The following ZFPM2 variants were observed in gnomAD, a reference collection of about 807,000 sequenced individuals.
ZFPM2 encodes the protein zinc finger protein ZFPM2.
Under a neutral mutation model 98.6 loss-of-function variants are expected in ZFPM2, and 20 were observed. The ratio of observed to expected loss-of-function variants is 0.20; its 90% confidence interval spans 0.14 to 0.29. ZFPM2 has a LOEUF of 0.29. Among genes scored for constraint, ZFPM2 ranks in the 10% least tolerant of loss-of-function variants. ZFPM2 has a pLI of 1.00. For missense variants in ZFPM2, 1,310 were observed against 1,388.6 expected, an observed-to-expected ratio of 0.94 and a Z score of 0.90; for synonymous variants, 518 against 502.7, an observed-to-expected ratio of 1.03 and a Z score of -0.41.
At chr8:105,333,310 A>G (rs1215367967) in intron 1 of ZFPM2, among the ~76,000 whole-genome samples, 14 of 151,762 alleles carry the variant, frequency 9.2e-5, no homozygotes, top group African/African-American at 3.1e-4. Context: ...TTTAGTATGA[A>G]TATTTTATTG....
chr8:105,720,799 G>A (rs1158354515), intron 5 of ZFPM2, among the ~76,000 whole-genome samples: 1 of 151,882 alleles, frequency 6.6e-6, no homozygotes, highest in Non-Finnish European at 1.5e-5. Context: ...TCACCTGGAT[G>A]AAATAAACCT....
chr8:105,486,850 G>C (rs1813239130), intron 3 of ZFPM2, among the ~76,000 whole-genome samples: 1 of 152,198 alleles, frequency 6.6e-6, no homozygotes, highest in Non-Finnish European at 1.5e-5. Context: ...CTGTAAGCAA[G>C]CCATATGAGA....
chr8:105,725,251 T>G (rs1373781341), intron 5 of ZFPM2, among the ~76,000 whole-genome samples: 1 of 151,868 alleles, frequency 6.6e-6, no homozygotes, highest in Non-Finnish European at 1.5e-5. Context: ...GGCATTTCCT[T>G]ATGGCTTTTA....
At chr8:105,353,030 T>C (rs13273536) in intron 1 of ZFPM2, among the ~76,000 whole-genome samples, 18,313 of 152,226 alleles carry the variant, frequency 0.12, 1,321 homozygotes, top group Non-Finnish European at 0.16. Context: ...GAAAACATAC[T>C]ACCTAGAGAA....
intron 3 of ZFPM2, among the ~76,000 whole-genome samples, chr8:105,489,418 TCTTTTATATATATTTATA>T: frequency 2.1e-5 from 3 of 145,954 alleles, no homozygotes; most frequent in African/African-American, 5.0e-5. Flanking sequence ...TATAGATATA[TCTTTTATATATATTTATA>T]GATATATGTT....
intron 4 of ZFPM2, among the ~76,000 whole-genome samples, chr8:105,609,059 T>TA (rs373653767): frequency 7.3e-5 from 11 of 151,286 alleles, no homozygotes; most frequent in Admixed American, 3.3e-4. Flanking sequence ...CACACACAAT[T>TA]AAAAAAAAGC....
At chr8:105,517,817 G>A (rs1019956424) in intron 3 of ZFPM2, among the ~76,000 whole-genome samples, 2 of 151,732 alleles carry the variant, frequency 1.3e-5, no homozygotes, top group Non-Finnish European at 2.9e-5. Flanking sequence ...TCACATGAGC[G>A]CTGAGGATCA....
intron 5 of ZFPM2, among the ~76,000 whole-genome samples, chr8:105,785,422 T>G (rs1813386599): frequency 9.1e-6 from 1 of 109,730 alleles, no homozygotes; most frequent in Non-Finnish European, 1.7e-5. Context: ...GACTTTGCAG[T>G]TGGACAGACA....
intron 5 of ZFPM2, among the ~76,000 whole-genome samples, chr8:105,656,419 T>C (rs1047930019): frequency 1.3e-5 from 2 of 152,246 alleles, no homozygotes; most frequent in Non-Finnish European, 2.9e-5. Context: ...TAAATGGATA[T>C]TTTTATAATT....
chr8:105,501,240 TG>T (rs2130471901), intron 3 of ZFPM2, among the ~76,000 whole-genome samples: 1 of 151,266 alleles, frequency 6.6e-6, no homozygotes, highest in South Asian at 2.1e-4. Context: ...TGCAGTGCAG[TG>T]GCGCCATCTC....
chr8:105,512,632 A>G (rs1245595499), intron 3 of ZFPM2, among the ~76,000 whole-genome samples: 3 of 152,210 alleles, frequency 2.0e-5, no homozygotes, highest in African/African-American at 7.2e-5. Flanking sequence ...GGGTGAATGT[A>G]TCTCAAAAAG....
intron 3 of ZFPM2, among the ~76,000 whole-genome samples, chr8:105,451,308 T>A (rs1812479771): frequency 6.6e-6 from 1 of 152,166 alleles, no homozygotes; most frequent in Non-Finnish European, 1.5e-5. Flanking sequence ...ATAATTATCT[T>A]ATGGGCCCCC....
At chr8:105,498,958 G>A (rs1204113366) in intron 3 of ZFPM2, among the ~76,000 whole-genome samples, 2 of 152,146 alleles carry the variant, frequency 1.3e-5, no homozygotes, top group Non-Finnish European at 2.9e-5. Context: ...AGGCATTGGG[G>A]CAGGCAGTTA....
chr8:105,331,663 C>G (rs1051694425), intron 1 of ZFPM2, among the ~76,000 whole-genome samples: 2 of 151,674 alleles, frequency 1.3e-5, no homozygotes, highest in African/African-American at 4.8e-5. Flanking sequence ...TTGTGAATAT[C>G]CACACATTTA....
At chr8:105,396,498 GA>G (rs898115496) in intron 1 of ZFPM2, among the ~76,000 whole-genome samples, 35 of 152,234 alleles carry the variant, frequency 2.3e-4, no homozygotes, top group Non-Finnish European at 4.0e-4. Context: ...GTGGCTGTGG[GA>G]ATGAAGAACA....
intron 3 of ZFPM2, among the ~76,000 whole-genome samples, chr8:105,509,817 T>G (rs918791024): frequency 3.9e-5 from 6 of 152,224 alleles, no homozygotes; most frequent in African/African-American, 1.2e-4. Context: ...TAAATATCAT[T>G]GCTACTGCTA....
At chr8:105,429,298 G>GAT (rs1404018886) in intron 2 of ZFPM2, among the ~76,000 whole-genome samples, 21 of 151,916 alleles carry the variant, frequency 1.4e-4, no homozygotes, top group Admixed American at 1.1e-3. Flanking sequence ...GGTCAGCATG[G>GAT]ATATGTATAT....
chr8:105,486,487 T>C (rs10101650), intron 3 of ZFPM2, among the ~76,000 whole-genome samples: 2,947 of 152,216 alleles, frequency 0.019, 50 homozygotes, highest in Non-Finnish European at 0.032. Context: ...CTTGGAAGAT[T>C]GTTCCTGATA....
intron 4 of ZFPM2, among the ~76,000 whole-genome samples, chr8:105,602,425 T>C (rs1816111912): frequency 6.6e-6 from 1 of 152,126 alleles, no homozygotes; most frequent in Non-Finnish European, 1.5e-5. Flanking sequence ...TATTTAAATT[T>C]GGTTAAATGA....
Sources: gnomAD v4.1 joint callset for allele counts (sites outside exome capture counted in the v4.1 genomes callset) on GRCh38, gnomAD v4.1.1 for gene constraint, MANE v1.5 for transcripts, NCBI Gene and HGNC (gene_info 2026-07-23, HGNC 2026-07-21) for gene names.